Variants in LHFPL3 observed in about 807,000 individuals in gnomAD.
LHFPL3 encodes LHFPL tetraspan subfamily member 3.
In LHFPL3, 5 loss-of-function variants were observed where a neutral mutation model predicts 19.3. The observed-to-expected ratio is 0.26, with a 90% CI of 0.14 to 0.54. The LOEUF is 0.54. Ranked by LOEUF, LHFPL3 falls within the 20% of genes least tolerant of loss-of-function variation. LHFPL3 has a pLI of 0.94. For missense variants in LHFPL3, 249 were observed against 307.4 expected (o/e 0.81, Z 1.42); for synonymous variants, 133 against 126.2 (o/e 1.05, Z -0.36).
intron 2 of LHFPL3, among the ~76,000 whole-genome samples, chr7:104,851,210 T>C (rs1791409577): frequency 6.6e-6 from 1 of 152,204 alleles, no homozygotes; most frequent in African/African-American, 2.4e-5. Flanking sequence ...ATCTGCATCA[T>C]AACTCAAAAA....
rs1489472329 is a variant in LHFPL3, at chr7:104,331,935, G to A, written c.445+2711G>A. Among the ~76,000 whole-genome samples, 3 of 151,702 alleles carry A rather than the reference G, an allele frequency of 2.0e-5. No homozygotes were observed. The South Asian group carries it at 6.2e-4, about 32-fold the overall frequency. On this transcript the variant is annotated intron_variant, in intron 1 of 2. Coordinates refer to ENST00000424859, the MANE Select transcript of LHFPL3 (RefSeq NM_199000.3). ...AGTGCACTCTAGTCTGGGAAACAGA[G>A]CGAGACCCCATCTCAAAAAAAAAAA...
At chr7:104,512,859 G>A (rs1793846162) in intron 1 of LHFPL3, among the ~76,000 whole-genome samples, 1 of 152,184 alleles carries the variant, frequency 6.6e-6, no homozygotes, top group South Asian at 2.1e-4. Flanking sequence ...ATATCTTGGA[G>A]GATGAGCAGT....
chr7:104,372,457 G>A (rs140346195), intron 1 of LHFPL3, among the ~76,000 whole-genome samples: 2 of 152,102 alleles, frequency 1.3e-5, no homozygotes, highest in East Asian at 1.9e-4. Context: ...TTTAGGATAC[G>A]CTGGTTGTGA....
At chr7:104,611,744 GA>G (rs567930099) in intron 1 of LHFPL3, among the ~76,000 whole-genome samples, 16 of 152,118 alleles carry the variant, frequency 1.1e-4, no homozygotes, top group Non-Finnish European at 2.2e-4. Context: ...AAAAGGGGGG[GA>G]GGAATTTACA....
chr7:104,899,480 C>G (rs898603616), intron 2 of LHFPL3, among the ~76,000 whole-genome samples: 60 of 151,878 alleles, frequency 4.0e-4, no homozygotes, highest in African/African-American at 1.4e-3. Context: ...GAGAGAGTAC[C>G]TCTGGCAGGA....
chr7:104,804,896 T>C (rs903387579), intron 2 of LHFPL3, among the ~76,000 whole-genome samples: 3 of 152,186 alleles, frequency 2.0e-5, no homozygotes, highest in Non-Finnish European at 4.4e-5. Context: ...ATAACAAATG[T>C]GGGCTGTTCT....
At chr7:104,889,153 T>G (rs1045696751) in intron 2 of LHFPL3, among the ~76,000 whole-genome samples, 1 of 152,238 alleles carries the variant, frequency 6.6e-6, no homozygotes, top group Non-Finnish European at 1.5e-5. Flanking sequence ...ATATAGTGTC[T>G]AAAATTGATA....
intron 1 of LHFPL3, among the ~76,000 whole-genome samples, chr7:104,609,892 G>A (rs904898343): frequency 1.3e-5 from 2 of 152,148 alleles, no homozygotes; most frequent in African/African-American, 4.8e-5. Flanking sequence ...ACTTACAAAG[G>A]CATCATAATT....
intron 1 of LHFPL3, among the ~76,000 whole-genome samples, chr7:104,494,798 C>T (rs894019272): frequency 3.3e-5 from 5 of 152,096 alleles, no homozygotes; most frequent in Admixed American, 3.3e-4. Context: ...ATAGTCCTGG[C>T]AGCTCCTCAC....
intron 2 of LHFPL3, among the ~76,000 whole-genome samples, chr7:104,751,102 C>G (rs1794160713): frequency 9.4e-6 from 1 of 106,158 alleles, no homozygotes; most frequent in African/African-American, 3.5e-5. Context: ...ATTGCTTGAG[C>G]CATAAGCATA....
At chr7:104,718,236 T>G (rs550027563) in intron 1 of LHFPL3, among the ~76,000 whole-genome samples, 1 of 152,198 alleles carries the variant, frequency 6.6e-6, no homozygotes, top group African/African-American at 2.4e-5. Context: ...ATTGTGCTTA[T>G]AGTTAATAAT....
chr7:104,588,955 A>G (rs142636529), intron 1 of LHFPL3, among the ~76,000 whole-genome samples: 6,068 of 152,288 alleles, frequency 0.04, 189 homozygotes, highest in Admixed American at 0.072. Flanking sequence ...ATTTTTGCAC[A>G]TTGATTTTGT....
intron 1 of LHFPL3, among the ~76,000 whole-genome samples, chr7:104,649,318 A>T (rs1291689542): frequency 6.6e-6 from 1 of 152,234 alleles, no homozygotes; most frequent in Non-Finnish European, 1.5e-5. Flanking sequence ...AAGCTGTGGG[A>T]GCACAGAGCA....
At chr7:104,613,272 A>C (rs1457922340) in intron 1 of LHFPL3, among the ~76,000 whole-genome samples, 1 of 152,184 alleles carries the variant, frequency 6.6e-6, no homozygotes, top group East Asian at 1.9e-4. Flanking sequence ...AACTCTTCTA[A>C]AGCTCAATGC....
At chr7:104,708,929 GGGACATA>G (rs1362323756) in intron 1 of LHFPL3, among the ~76,000 whole-genome samples, 1 of 151,950 alleles carries the variant, frequency 6.6e-6, no homozygotes, top group Non-Finnish European at 1.5e-5. Context: ...CTCTGGACCT[GGGACATA>G]AATAACAGTT....
chr7:104,603,066 T>TTCTCTTTCTTTC lies in LHFPL3; in HGVS notation c.446-133608_446-133607insCTCTTTCTTTCT, dbSNP rs1453775700. On this transcript the variant is annotated intron_variant, in intron 1 of 2. Coordinates refer to ENST00000424859, the MANE Select transcript of LHFPL3 (RefSeq NM_199000.3). The stretch of plus-strand genomic sequence containing the variant: ...AGTTTTCTTTTTTTTCTTTCTTTCT[T>TTCTCTTTCTTTC]TTTCTTTCTTTCTTTCTTTCTTTCT... Among the ~76,000 whole-genome samples the TTCTCTTTCTTTC allele has an allele frequency of 4.4e-3, 482 of 108,948 alleles. 8 individuals are homozygous for TTCTCTTTCTTTC. The highest frequency in any genetic ancestry group is 5.6e-3 in the African/African-American group (157 of 27,878). 71.5% of individuals were successfully genotyped at this position (108,948 alleles called of 152,430 possible).
intron 2 of LHFPL3, among the ~76,000 whole-genome samples, chr7:104,817,824 T>G (rs1790594418): frequency 6.6e-6 from 1 of 152,152 alleles, no homozygotes. Flanking sequence ...ATCAACTGTC[T>G]TTTGAAATCC....
At chr7:104,416,441 C>A (rs1316269074) in intron 1 of LHFPL3, among the ~76,000 whole-genome samples, 1 of 152,228 alleles carries the variant, frequency 6.6e-6, no homozygotes, top group African/African-American at 2.4e-5. Context: ...ATCACCTACT[C>A]ACTGCTGCCT....
intron 1 of LHFPL3, among the ~76,000 whole-genome samples, chr7:104,582,149 T>A (rs1358768261): frequency 1.3e-5 from 2 of 151,940 alleles, no homozygotes; most frequent in East Asian, 1.9e-4. Context: ...TTATAGTTTT[T>A]AGTGAAGAGA....
Sources: gnomAD v4.1 joint callset for allele counts (sites outside exome capture counted in the v4.1 genomes callset) on GRCh38, gnomAD v4.1.1 for gene constraint, MANE v1.5 for transcripts, NCBI Gene and HGNC (gene_info 2026-07-23, HGNC 2026-07-21) for gene names.